The following DSC3 variants were observed in gnomAD, a reference collection of about 807,000 sequenced individuals.
DSC3 encodes desmocollin 3.
In DSC3, 97 loss-of-function variants were observed where a neutral mutation model predicts 89.5. The observed-to-expected ratio is 1.08, with a 90% confidence interval of 0.92 to 1.28. The LOEUF (loss-of-function observed/expected upper bound fraction) is 1.28. Among genes scored for constraint, DSC3 ranks in the 50% most tolerant of loss-of-function variants. DSC3 has a pLI of 0.00. For missense variants in DSC3, 1,199 were observed against 1,085.3 expected (o/e 1.10, Z -1.47); for synonymous variants, 436 against 384.1 (o/e 1.14, Z -1.58).
rs114503789 is a variant in DSC3, at chr18:31,042,629, C to A, written c.32G>T (p.Arg11Leu). 6.4e-4 allele frequency: 992 copies of A among 1,550,214 alleles called. 2 individuals carry two copies. Among genetic ancestry groups the A allele is most frequent in the Admixed American group, 9.8e-4 (50 of 51,018 alleles). ...CAGCAGATGCAGGCAGACGGCTCCG[C>A]GCACGGAGCGCCGGGGCCCAGCGGC... MAAAGPRRSV[R>L]GAVCLHLLLT... The change falls in exon 1 of 16, where the codon CGC becomes CTC. Residue 11 changes from arginine to leucine, a missense_variant. Physicochemically the swap from Arg to Leu is moderately radical, Grantham distance 102. Transcript: ENST00000360428.
Position 30,994,236 on chromosome 18 carries a change from T to A in DSC3, c.2630A>T (p.Asp877Val), listed in dbSNP as rs1239272180. The A allele has an allele frequency of 6.2e-7, 1 of 1,614,112 alleles. No individual in the cohort carries two copies. Among genetic ancestry groups the A allele is most frequent in the Non-Finnish European group, 8.5e-7 (1 of 1,179,996 alleles). The part of the protein sequence containing the change: ...CSEKQEEDGL[D>V]FLNNLEPKFI... ...TTTGGGTTCCAAATTATTTAAAAAG[T>A]CAAGGCCATCTTCTTCCTGCTTTTC... Residue 877 changes from aspartate to valine, a missense_variant, in exon 16 of 16, where the codon GAC (aspartate) becomes GTC (valine). Transcript: ENST00000360428.
At chr18:31,024,223 G>T in intron 6 of DSC3, 126 bp downstream of exon 6, 1 of 877,162 alleles carries the variant, frequency 1.1e-6, no homozygotes, top group Non-Finnish European at 1.6e-6. Flanking sequence ...GTGTTTTCTG[G>T]TAAGTAGATT....
intron 5 of DSC3, 44 bp from the exon 6 acceptor site, chr18:31,024,537 G>A: frequency 6.3e-7 from 1 of 1,596,612 alleles, no homozygotes; most frequent in Non-Finnish European, 8.5e-7. Context: ...TCAGATCCCG[G>A]CAAGACAGAA....
chr18:31,042,593 A>C lies in DSC3; in HGVS notation c.68T>G (p.Val23Gly). ...CCTATCCGGCGAGATCTGGCTTACC[A>C]CGAGGGTCAGCAGCAGATGCAGGCA... ...AVCLHLLLTL[V>G]IFSRAGEACK... The change falls in exon 1 of 16, where the codon GTG becomes GGG. Residue 23 changes from valine to glycine, a missense_variant and splice_region_variant. By Grantham distance (109) the Val-to-Gly change is moderately radical. Coordinates refer to ENST00000360428, the MANE Select transcript of DSC3 (RefSeq NM_001941.5). 5 of 1,550,258 alleles carry C rather than the reference A, an allele frequency of 3.2e-6. No individual in the cohort carries two copies. In the Admixed American group the frequency reaches 7.8e-5, roughly 24 times the overall value.
At chr18:31,030,877 G>A in intron 3 of DSC3, 96 bp downstream of exon 3, 1 of 1,132,466 alleles carries the variant, frequency 8.8e-7, no homozygotes, top group South Asian at 1.3e-5. Flanking sequence ...AAACAAAAGG[G>A]GAAAATACCC....
intron 9 of DSC3, among the ~76,000 whole-genome samples, chr18:31,012,587 T>C (rs993185020): frequency 2.0e-5 from 3 of 152,338 alleles, no homozygotes; most frequent in African/African-American, 7.2e-5. Flanking sequence ...TGATTCAGTC[T>C]ACTCATCTGG....
chr18:31,017,923 C>T, intron 9 of DSC3, 148 bp downstream of exon 9: 1 of 582,292 alleles, frequency 1.7e-6, no homozygotes, highest in Non-Finnish European at 2.9e-6. Flanking sequence ...AGAAGACACA[C>T]AGGCATGAGA....
Position 31,042,541 on chromosome 18 carries a change from C to A in DSC3, c.69+51G>T, listed in dbSNP as rs567771980. 5 of 1,517,124 alleles carry A rather than the reference C, an allele frequency of 3.3e-6. No individual in the cohort carries two copies. In the African/African-American group the frequency reaches 5.5e-5, roughly 17 times the overall value. The allele number at this position is 1,517,124 out of a possible 1,614,324, so 94.0% of individuals were successfully genotyped here. ...CCCCAGCTCCGTGCAGCGTCCAGGG[C>A]GGATCCACCCCCGTCCCCACCCCAG... On this transcript the variant is annotated intron_variant, in intron 1 of 15. Coordinates refer to ENST00000360428, the MANE Select transcript of DSC3 (RefSeq NM_001941.5).
chr18:31,036,053 T>A (rs1296454241), intron 1 of DSC3, among the ~76,000 whole-genome samples: 1 of 152,176 alleles, frequency 6.6e-6, no homozygotes, highest in Non-Finnish European at 1.5e-5. Context: ...GCTTTTCATT[T>A]CTTCTATTAC....
chr18:30,996,915 T>A lies in DSC3; in HGVS notation c.2369A>T (p.Glu790Val). The A allele has an allele frequency of 1.2e-6, 2 of 1,614,104 alleles. No homozygotes were observed. Among genetic ancestry groups the A allele is most frequent in the South Asian group, 2.2e-5 (2 of 91,062 alleles). ...EMMKGGNQTL[E>V]SCRGAGHHHT... ...ATGATGCCCAGCCCCCCGGCAGGAT[T>A]CCAAGGTCTGGTTTCCTCCTTTCAT... The change falls in exon 15 of 16, where the codon GAA (glutamate) becomes GTA (valine). Residue 790 changes from glutamate (E) to valine (V), a missense_variant. Physicochemically the swap from Glu to Val is moderately radical, Grantham distance 121. Transcript: ENST00000360428.
chr18:31,037,993 G>C (rs2144741730), intron 1 of DSC3, among the ~76,000 whole-genome samples: 1 of 152,058 alleles, frequency 6.6e-6, no homozygotes, highest in South Asian at 2.1e-4. Flanking sequence ...GAAATAATCA[G>C]TTTTTCTCTG....
At chr18:31,034,891 T>A (rs1985922411) in intron 1 of DSC3, among the ~76,000 whole-genome samples, 1 of 152,186 alleles carries the variant, frequency 6.6e-6, no homozygotes, top group Non-Finnish European at 1.5e-5. Context: ...ATTCTTCAAA[T>A]TTACTACAAT....
At chr18:31,029,418 T>TTTA in intron 4 of DSC3, 91 bp downstream of exon 4, 6 of 1,510,850 alleles carry the variant, frequency 4.0e-6, no homozygotes, top group Non-Finnish European at 3.7e-6. Flanking sequence ...ATCAGATCTG[T>TTTA]TTATTTTTAT....
intron 1 of DSC3, among the ~76,000 whole-genome samples, chr18:31,032,811 A>C (rs114203680): frequency 6.6e-6 from 1 of 152,122 alleles, no homozygotes; most frequent in Non-Finnish European, 1.5e-5. Context: ...TCTATTTAAC[A>C]TTATACTGGA....
rs1038322439 is a variant in DSC3 at position 30,994,055 on chromosome 18, G to A, written c.*120C>T. 9.1e-6 allele frequency: 9 copies of A among 991,062 alleles called. No individual in the cohort carries two copies. The Middle Eastern group carries it at 1.2e-3, about 129-fold the overall frequency. The allele number at this position is 991,062 out of a possible 1,614,324, so 61.4% of individuals were successfully genotyped here. On this transcript the variant is annotated 3_prime_UTR_variant, in exon 16 of 16. Transcript: ENST00000360428. The stretch of plus-strand genomic sequence containing the variant: ...CTTTAAAAATATAAATTGGTGAGTA[G>A]CATAATTCAAAATTGAGAAAAAAAT...
intron 1 of DSC3, among the ~76,000 whole-genome samples, chr18:31,041,538 C>T (rs954652749): frequency 3.9e-5 from 6 of 152,200 alleles, no homozygotes; most frequent in African/African-American, 9.6e-5. Flanking sequence ...AGACCAGACT[C>T]GGCTCACTGC....
At chr18:31,032,065 C>T (rs1171001009) in intron 2 of DSC3, 127 bp downstream of exon 2, 2 of 698,230 alleles carry the variant, frequency 2.9e-6, no homozygotes, top group African/African-American at 1.8e-5. Context: ...TTCTGGTTTA[C>T]TCCCTGGAGG....
chr18:31,022,481 C>A lies in DSC3; in HGVS notation c.797G>T (p.Cys266Phe). The A allele has an allele frequency of 6.2e-7, 1 of 1,614,040 alleles. No individual in the cohort carries two copies. Among genetic ancestry groups the A allele is most frequent in the South Asian group, 1.1e-5 (1 of 91,080 alleles). ...GTCCGGTTCATCTCTGTCTGTGGCA[C>A]AAACCACCCCCACTGTAGTACCTAC... ...SRPGTTVGVV[C>F]ATDRDEPDTM... The change falls in exon 7 of 16, where the codon TGT (cysteine) becomes TTT (phenylalanine). Residue 266 changes from cysteine to phenylalanine, a missense_variant. By Grantham distance (205) the Cys-to-Phe change is radical. Transcript: ENST00000360428.
intron 1 of DSC3, among the ~76,000 whole-genome samples, chr18:31,037,695 T>A (rs979148048): frequency 7.9e-5 from 12 of 151,900 alleles, no homozygotes; most frequent in Non-Finnish European, 1.5e-4. Flanking sequence ...AGGTCAGGAG[T>A]TCGAGACATG....
Sources: allele counts gnomAD v4.1 joint callset (sites outside exome capture counted in the v4.1 genomes callset), GRCh38; gene constraint gnomAD v4.1.1; transcripts MANE v1.5; gene names NCBI Gene and HGNC (gene_info 2026-07-23, HGNC 2026-07-21).